Variants in DIAPH2 observed in about 807,000 individuals in gnomAD.
DIAPH2 encodes diaphanous related formin 2.
A neutral mutation model predicts 92.7 loss-of-function variants in DIAPH2; 35 were observed. That is an observed-to-expected ratio of 0.38 (90% CI 0.29 to 0.50). The LOEUF (loss-of-function observed/expected upper bound fraction) is 0.50, where lower values mean the gene tolerates loss of function less well. DIAPH2 is among the 20% of genes least tolerant of loss of function. DIAPH2 has a pLI of 0.94. For synonymous variants in DIAPH2, 301 were observed against 280.4 expected (o/e 1.07, Z -0.73); for missense variants, 701 against 819.5 (o/e 0.86, Z 1.77).
chrX:97,322,689 AAAAC>A (rs1157558779), intron 23 of DIAPH2, among the ~76,000 whole-genome samples: 39 of 110,787 alleles, frequency 3.5e-4, no homozygotes, highest in African/African-American at 1.2e-3. Context: ...AAAGAATGAA[AAAAC>A]AAACAAAAAA....
chrX:97,515,583 G>C lies in DIAPH2; in HGVS notation c.3242-83670G>C, dbSNP rs985191818. On this transcript the variant is annotated intron_variant, in intron 26 of 26. Transcript: ENST00000324765. ...CTTAGGTTTGATGAAGAAGTGGAGGGTAGTGGAGAAATATGACTGGACAAA... is the reference window on the plus strand; with the variant it reads ...CTTAGGTTTGATGAAGAAGTGGAGGCTAGTGGAGAAATATGACTGGACAAA... 3.6e-5 allele frequency among the ~76,000 whole-genome samples: 4 copies of C among 112,068 alleles called. No individual in the cohort carries two copies. The Admixed American group carries it at 3.8e-4, about 11-fold the overall frequency.
At chrX:96,718,170 A>C (rs911156673) in intron 1 of DIAPH2, among the ~76,000 whole-genome samples, 2 of 106,169 alleles carry the variant, frequency 1.9e-5, no homozygotes, top group Non-Finnish European at 3.9e-5. Context: ...TAATTTTTTT[A>C]GATCCCACAA....
chrX:97,369,848 CA>C (rs202111849), intron 24 of DIAPH2, among the ~76,000 whole-genome samples: 1 of 111,044 alleles, frequency 9.0e-6, no homozygotes, highest in South Asian at 3.8e-4. Flanking sequence ...CCCCATACTG[CA>C]AAAAAAATCT....
intron 23 of DIAPH2, among the ~76,000 whole-genome samples, chrX:97,273,709 C>T (rs993431506): frequency 1.8e-5 from 2 of 111,756 alleles, no homozygotes; most frequent in Admixed American, 9.6e-5. Context: ...GGGATTTGTA[C>T]ATGTAAAATG....
intron 26 of DIAPH2, among the ~76,000 whole-genome samples, chrX:97,563,674 G>A (rs1392338040): frequency 9.0e-6 from 1 of 111,672 alleles, no homozygotes; most frequent in Non-Finnish European, 1.9e-5. Flanking sequence ...TCCTGAGTGG[G>A]CCGAGAAGTG....
In DIAPH2 at chrX:97,473,334, A is replaced by G. The variant is rs182463956; in HGVS notation, c.3241+43589A>G. The stretch of plus-strand genomic sequence containing the variant: ...ATATTTCTTTTTTAAAAAATTAATT[A>G]ATTAATTAATTTATTTTTGAGACAG... On this transcript the variant is annotated intron_variant, in intron 26 of 26. Coordinates refer to ENST00000324765, the MANE Select transcript of DIAPH2 (RefSeq NM_006729.5). Among the ~76,000 whole-genome samples, 404 of 110,882 alleles carry G rather than the reference A, an allele frequency of 3.6e-3. 2 individuals carry two copies. The highest frequency in any genetic ancestry group is 0.012 in the African/African-American group (378 of 30,366).
At chrX:96,874,922 T>G (rs1007577187) in intron 4 of DIAPH2, among the ~76,000 whole-genome samples, 8 of 111,927 alleles carry the variant, frequency 7.1e-5, no homozygotes, top group Non-Finnish European at 1.1e-4. Flanking sequence ...TAATACAGGC[T>G]GAGCATCTCT....
intron 23 of DIAPH2, among the ~76,000 whole-genome samples, chrX:97,253,429 A>G (rs923273654): frequency 9.0e-6 from 1 of 111,239 alleles, no homozygotes; most frequent in Non-Finnish European, 1.9e-5. Context: ...GAATTTAAAT[A>G]GAAAGTATTA....
At chrX:96,829,167 A>T (rs1238716425) in intron 4 of DIAPH2, among the ~76,000 whole-genome samples, 1 of 111,376 alleles carries the variant, frequency 9.0e-6, no homozygotes, top group Non-Finnish European at 1.9e-5. Flanking sequence ...TGATAAAACT[A>T]TATATTGCAA....
chrX:96,788,983 T>A (rs1350136630), intron 4 of DIAPH2, among the ~76,000 whole-genome samples: 2 of 112,464 alleles, frequency 1.8e-5, no homozygotes, highest in East Asian at 2.8e-4. Flanking sequence ...TTGAAGGTTT[T>A]TAAGAGCATT....
At chrX:97,201,634 G>T (rs190336543) in intron 22 of DIAPH2, among the ~76,000 whole-genome samples, 1 of 109,318 alleles carries the variant, frequency 9.1e-6, no homozygotes, top group Admixed American at 9.9e-5. Context: ...GAATGAAAAG[G>T]AATGAACAAA....
intron 22 of DIAPH2, among the ~76,000 whole-genome samples, chrX:97,229,343 G>A (rs2067989935): frequency 9.0e-6 from 1 of 110,500 alleles, no homozygotes; most frequent in Admixed American, 9.8e-5. Flanking sequence ...TTTTCTGGAA[G>A]CATTATGTGA....
At chrX:97,581,045 T>G (rs1457951078) in intron 26 of DIAPH2, among the ~76,000 whole-genome samples, 2 of 102,543 alleles carry the variant, frequency 2.0e-5, no homozygotes, top group African/African-American at 3.5e-5. Context: ...TTGCGTCTAT[T>G]TGATTCTTCT....
chrX:97,353,477 G>T (rs998547895), intron 24 of DIAPH2, among the ~76,000 whole-genome samples: 1 of 110,934 alleles, frequency 9.0e-6, no homozygotes, highest in South Asian at 3.7e-4. Flanking sequence ...TGCTGCTTCT[G>T]TGTGTTTTTG....
Position 97,342,554 on chromosome X carries a change from A to G in DIAPH2, c.2845-5562A>G, listed in dbSNP as rs151027697. 8.3e-3 allele frequency among the ~76,000 whole-genome samples: 930 copies of G among 112,106 alleles called. 7 individuals are homozygous for G. The highest frequency in any genetic ancestry group is 0.029 in the African/African-American group (886 of 30,905). The stretch of plus-strand genomic sequence containing the variant: ...AATTTATTTTTTAAAAAGGTTAGGT[A>G]CAGTTACATTGTCGTTATTGTTGAT... On this transcript the variant is annotated intron_variant, in intron 23 of 26. Coordinates refer to ENST00000324765, the MANE Select transcript of DIAPH2 (RefSeq NM_006729.5).
chrX:97,471,647 G>A (rs1452922574), intron 26 of DIAPH2, among the ~76,000 whole-genome samples: 4 of 88,961 alleles, frequency 4.5e-5, no homozygotes, highest in Non-Finnish European at 6.2e-5. Flanking sequence ...CCAAGATCGC[G>A]CCATTGCACT....
chrX:97,272,530 G>C (rs2068398263), intron 23 of DIAPH2, among the ~76,000 whole-genome samples: 1 of 111,632 alleles, frequency 9.0e-6, no homozygotes, highest in Non-Finnish European at 1.9e-5. Flanking sequence ...AATGACTCTA[G>C]GATGAGAACT....
chrX:97,544,928 A>G (rs2071168322), intron 26 of DIAPH2, among the ~76,000 whole-genome samples: 2 of 111,555 alleles, frequency 1.8e-5, no homozygotes, highest in South Asian at 3.8e-4. Flanking sequence ...CAGACCTACT[A>G]TGTACACAAG....
chrX:97,537,863 A>C (rs753839128), intron 26 of DIAPH2, among the ~76,000 whole-genome samples: 1 of 108,394 alleles, frequency 9.2e-6, no homozygotes, highest in African/African-American at 3.4e-5. Flanking sequence ...TGCCAGATAC[A>C]CTACTTAAGC....
Sources: gnomAD v4.1 joint callset for allele counts (sites outside exome capture counted in the v4.1 genomes callset) on GRCh38, gnomAD v4.1.1 for gene constraint, MANE v1.5 for transcripts, NCBI Gene and HGNC (gene_info 2026-07-23, HGNC 2026-07-21) for gene names.